NFIC: variants seen among roughly 807,000 people sequenced by gnomAD.
NFIC encodes the protein nuclear factor I C, also known as nuclear factor 1 C-type.
In NFIC, 12 loss-of-function variants were observed where a neutral mutation model predicts 54.4. The observed-to-expected ratio is 0.22, with a 90% confidence interval of 0.14 to 0.36. NFIC has a LOEUF of 0.36. NFIC is among the 10% of genes least tolerant of loss of function. The pLI is 1.00. For missense variants in NFIC, 575 were observed against 718.2 expected (o/e 0.80, Z 2.28); for synonymous variants, 322 against 319.2 (o/e 1.01, Z -0.09).
At position 3,383,580 on chromosome 19, in the gene NFIC, T is replaced by A. The variant is rs567708688; in HGVS notation, c.562+1337T>A. On this transcript the variant is annotated intron_variant, in intron 2 of 10. Coordinates refer to ENST00000443272, the MANE Select transcript of NFIC (RefSeq NM_001245002.2). Reference sequence around the variant, plus strand: ...GGCTATGGGAGGTTCCAGAAGATCATGCGTGTAGCCACGTGCGAGGTGTCA... The same window carrying A: ...GGCTATGGGAGGTTCCAGAAGATCAAGCGTGTAGCCACGTGCGAGGTGTCA... Among the ~76,000 whole-genome samples, 3 of 152,268 alleles carry A rather than the reference T, an allele frequency of 2.0e-5. No homozygotes were observed. The East Asian group carries it at 5.8e-4, about 29-fold the overall frequency.
chr19:3,378,519 G>A (rs987485029), intron 1 of NFIC, among the ~76,000 whole-genome samples: 4 of 152,238 alleles, frequency 2.6e-5, no homozygotes, highest in African/African-American at 9.6e-5. Flanking sequence ...TCTTCAAGGG[G>A]CTGCTGTTAT....
chr19:3,442,676 C>G (rs562260374), intron 6 of NFIC, among the ~76,000 whole-genome samples: 12 of 152,046 alleles, frequency 7.9e-5, no homozygotes, highest in Non-Finnish European at 1.6e-4. Context: ...TGTGAGCCAC[C>G]GAGCCCAGCC....
chr19:3,360,823 C>T (rs775307440), intron 1 of NFIC, among the ~76,000 whole-genome samples: 12 of 152,136 alleles, frequency 7.9e-5, no homozygotes, highest in Non-Finnish European at 1.6e-4. Flanking sequence ...GGGGTGTCCC[C>T]GTGTGGGTGT....
At chr19:3,399,984 A>G (rs541407620) in intron 2 of NFIC, among the ~76,000 whole-genome samples, 3 of 152,264 alleles carry the variant, frequency 2.0e-5, no homozygotes, top group African/African-American at 7.2e-5. Context: ...CAGGAGTTTG[A>G]GACCAGCCTG....
intron 2 of NFIC, among the ~76,000 whole-genome samples, chr19:3,396,173 G>A (rs1463932461): frequency 6.6e-6 from 1 of 152,184 alleles, no homozygotes; most frequent in African/African-American, 2.4e-5. Flanking sequence ...AAGCCTGGCT[G>A]TAAGTGTGTG....
intron 2 of NFIC, among the ~76,000 whole-genome samples, chr19:3,414,679 A>G (rs1217699304): frequency 6.6e-6 from 1 of 152,068 alleles, no homozygotes. Flanking sequence ...CTGACTGTGC[A>G]AGAATAGGCA....
At chr19:3,418,099 CTT>C (rs778206013) in intron 2 of NFIC, among the ~76,000 whole-genome samples, 15 of 132,424 alleles carry the variant, frequency 1.1e-4, no homozygotes, top group African/African-American at 2.5e-4. Context: ...ATTTTCTTTT[CTT>C]TTTTTTTTTT....
chr19:3,468,013 T>C lies in NFIC; in HGVS notation c.*5244T>C. ...CAAAATGACACCGCTGCCCATCCATTGCTCAATGGTACAGAGTGTGGGGTC... is the reference window on the plus strand; with the variant it reads ...CAAAATGACACCGCTGCCCATCCATCGCTCAATGGTACAGAGTGTGGGGTC... On this transcript the variant is annotated 3_prime_UTR_variant, in exon 11 of 11. Transcript: ENST00000443272. 1 of 151,678 alleles carries C rather than the reference T, an allele frequency of 6.6e-6. No homozygotes were observed. Among genetic ancestry groups the C allele is most frequent in the East Asian group, 1.9e-4 (1 of 5,138 alleles). The allele number at this position is 151,678 out of a possible 1,614,324, so 9.4% of individuals were successfully genotyped here.
At chr19:3,405,322 G>A (rs2081630653) in intron 2 of NFIC, among the ~76,000 whole-genome samples, 1 of 152,194 alleles carries the variant, frequency 6.6e-6, no homozygotes, top group Admixed American at 6.5e-5. Flanking sequence ...CCTGGGGCGG[G>A]CGGGGAGTGC....
chr19:3,394,680 C>T (rs1052997168), intron 2 of NFIC, among the ~76,000 whole-genome samples: 2 of 151,724 alleles, frequency 1.3e-5, no homozygotes, highest in South Asian at 2.1e-4. Context: ...AGACGGGTTC[C>T]GTGCCTGGGA....
chr19:3,411,612 TC>T (rs2081761755), intron 2 of NFIC, among the ~76,000 whole-genome samples: 1 of 150,606 alleles, frequency 6.6e-6, no homozygotes, highest in Non-Finnish European at 1.5e-5. Context: ...GAGCCACCAC[TC>T]CCGGCCCTCC....
Position 3,439,915 on chromosome 19 carries a change from C to G in NFIC, c.958+4708C>G, listed in dbSNP as rs538071552. On this transcript the variant is annotated intron_variant, in intron 6 of 10. Coordinates refer to ENST00000443272, the MANE Select transcript of NFIC (RefSeq NM_001245002.2). ...GTGTTAGCCAGGATGGTCTCGATCT[C>G]CTGACTTCGTGATCTGCCCGCCTCG... 6.4e-4 allele frequency among the ~76,000 whole-genome samples: 97 copies of G among 150,782 alleles called. 3 individuals carry two copies. The South Asian group carries it at 0.016, about 25-fold the overall frequency.
rs2082689411 is a variant in NFIC, at chr19:3,464,492, G to A, written c.*1723G>A. The A allele has an allele frequency of 3.1e-6, 3 of 973,898 alleles. No individual in the cohort carries two copies. The highest frequency in any genetic ancestry group is 3.6e-6 in the Non-Finnish European group (3 of 824,776). 60.3% of individuals were successfully genotyped at this position (973,898 alleles called of 1,614,324 possible). A position where few individuals can be genotyped will look rare whatever the true frequency, so the allele number is the denominator to read the frequency against. On this transcript the variant is annotated 3_prime_UTR_variant, in exon 11 of 11. Coordinates refer to ENST00000443272, the MANE Select transcript of NFIC (RefSeq NM_001245002.2). ...TGGGAGGGGGTGTTAGGTGTTTTAGGGCCACCGAGCTCAAACACAAGGACC... is the reference window on the plus strand; with the variant it reads ...TGGGAGGGGGTGTTAGGTGTTTTAGAGCCACCGAGCTCAAACACAAGGACC...
intron 2 of NFIC, among the ~76,000 whole-genome samples, chr19:3,420,776 C>T (rs2081942062): frequency 6.6e-6 from 1 of 151,614 alleles, no homozygotes; most frequent in Non-Finnish European, 1.5e-5. Flanking sequence ...GACTAGAGTG[C>T]AATTGGCCCG....
chr19:3,368,340 G>T (rs927787980), intron 1 of NFIC, among the ~76,000 whole-genome samples: 2 of 152,180 alleles, frequency 1.3e-5, no homozygotes, highest in Admixed American at 1.3e-4. Context: ...GGTTGCTGGG[G>T]TGGGTTGGGG....
intron 1 of NFIC, among the ~76,000 whole-genome samples, chr19:3,366,996 C>CTTT (rs2080901939): frequency 6.6e-6 from 1 of 151,784 alleles, no homozygotes; most frequent in Non-Finnish European, 1.5e-5. Context: ...GCACCCCCGC[C>CTTT]CCGACACTCG....
intron 5 of NFIC, 119 bp from the exon 6 acceptor site, chr19:3,434,964 C>T: frequency 7.5e-7 from 1 of 1,334,632 alleles, no homozygotes; most frequent in Non-Finnish European, 1.0e-6. Flanking sequence ...CGCGATGTCT[C>T]GCGATACTAC....
At chr19:3,380,146 G>T (rs1347696147) in intron 1 of NFIC, among the ~76,000 whole-genome samples, 1 of 150,878 alleles carries the variant, frequency 6.6e-6, no homozygotes, top group Non-Finnish European at 1.5e-5. Context: ...GACTACAGGC[G>T]CCCGACACCA....
chr19:3,399,272 G>A (rs1224066066), intron 2 of NFIC, among the ~76,000 whole-genome samples: 4 of 152,184 alleles, frequency 2.6e-5, no homozygotes, highest in African/African-American at 9.7e-5. Flanking sequence ...GAGTCAATAA[G>A]ACATATTAAG....
Sources: allele counts gnomAD v4.1 joint callset (sites outside exome capture counted in the v4.1 genomes callset), GRCh38; gene constraint gnomAD v4.1.1; transcripts MANE v1.5; gene names NCBI Gene and HGNC (gene_info 2026-07-23, HGNC 2026-07-21).